The following HLCS variants were observed in gnomAD, a reference collection of about 807,000 sequenced individuals.
The protein encoded by HLCS is biotin--protein ligase.
A neutral mutation model predicts 75.0 loss-of-function variants in HLCS; 53 were observed. The ratio of observed to expected loss-of-function variants is 0.71; its 90% CI spans 0.57 to 0.89. The LOEUF (loss-of-function observed/expected upper bound fraction) is 0.89, where lower values mean the gene tolerates loss of function less well. Ranked by LOEUF, HLCS falls within the 40% of genes least tolerant of loss-of-function variation. HLCS has a pLI of 0.00. For synonymous variants in HLCS, 431 were observed against 428.6 expected (o/e 1.01, Z -0.07); for missense variants, 966 against 1,074.0 (o/e 0.90, Z 1.41).
intron 2 of HLCS, among the ~76,000 whole-genome samples, chr21:36,951,254 C>A (rs981877596): frequency 1.3e-5 from 2 of 152,194 alleles, no homozygotes; most frequent in African/African-American, 4.8e-5. Context: ...AACATTCCAG[C>A]CCCTGCTTTC....
rs1179063127 is a variant in HLCS at position 36,749,425 on chromosome 21, A to G, written c.*4821T>C. The G allele has an allele frequency of 6.6e-6, 1 of 150,398 alleles. No individual in the cohort carries two copies. Among genetic ancestry groups the G allele is most frequent in the African/African-American group, 2.5e-5 (1 of 40,654 alleles). The allele number at this position is 150,398 out of a possible 1,614,324, so 9.3% of individuals were successfully genotyped here. A position where few individuals can be genotyped will look rare whatever the true frequency, so the allele number is the denominator to read the frequency against. On this transcript the variant is annotated 3_prime_UTR_variant, in exon 11 of 11. Coordinates refer to ENST00000674895, the MANE Select transcript of HLCS (RefSeq NM_001352514.2). ...TCTAAAATCAAGTGCACCTACACCAACTGCTCTCAAAATGTGAACTGACTT... is the reference window on the plus strand; with the variant it reads ...TCTAAAATCAAGTGCACCTACACCAGCTGCTCTCAAAATGTGAACTGACTT...
intron 6 of HLCS, among the ~76,000 whole-genome samples, chr21:36,816,088 G>A (rs2061655453): frequency 6.6e-6 from 1 of 152,148 alleles, no homozygotes; most frequent in Admixed American, 6.5e-5. Context: ...GAGTACCAGA[G>A]TCAGACTACT....
intron 6 of HLCS, among the ~76,000 whole-genome samples, chr21:36,862,518 T>C (rs969310940): frequency 6.6e-6 from 1 of 152,358 alleles, no homozygotes; most frequent in South Asian, 2.1e-4. Context: ...GATTGGCATC[T>C]CCCTGATGGC....
At chr21:36,809,355 T>C (rs561815119) in intron 6 of HLCS, among the ~76,000 whole-genome samples, 2 of 152,364 alleles carry the variant, frequency 1.3e-5, no homozygotes, top group African/African-American at 4.8e-5. Context: ...TTTTCTCTTG[T>C]TGCTTTCAAG....
chr21:36,848,756 C>T (rs2062884395), intron 6 of HLCS, among the ~76,000 whole-genome samples: 2 of 152,048 alleles, frequency 1.3e-5, no homozygotes, highest in Admixed American at 1.3e-4. Context: ...AAGGCCTTTC[C>T]TATCCTAAGA....
At chr21:36,950,240 C>T (rs1416065953) in intron 2 of HLCS, among the ~76,000 whole-genome samples, 2 of 151,808 alleles carry the variant, frequency 1.3e-5, no homozygotes, top group African/African-American at 2.4e-5. Flanking sequence ...CTGGTTAACA[C>T]ATATAAGCCT....
chr21:36,931,368 G>A (rs1036862764), intron 4 of HLCS, among the ~76,000 whole-genome samples: 2 of 151,738 alleles, frequency 1.3e-5, no homozygotes, highest in Admixed American at 6.6e-5. Context: ...GAGGCAAATG[G>A]GTCATGCTGG....
chr21:36,963,747 C>T (rs1259016479), intron 1 of HLCS, among the ~76,000 whole-genome samples: 1 of 151,604 alleles, frequency 6.6e-6, no homozygotes, highest in Non-Finnish European at 1.5e-5. Flanking sequence ...AGCAAAACTC[C>T]ATCTCAAAAA....
chr21:36,766,124 A>G (rs2090021578), intron 7 of HLCS, among the ~76,000 whole-genome samples: 1 of 152,164 alleles, frequency 6.6e-6, no homozygotes, highest in African/African-American at 2.4e-5. Context: ...ACTGGGCTCA[A>G]GTGATGCTCC....
At chr21:36,756,168 G>C (rs1018223338) in intron 10 of HLCS, among the ~76,000 whole-genome samples, 1 of 152,076 alleles carries the variant, frequency 6.6e-6, no homozygotes, top group Admixed American at 6.6e-5. Context: ...GCCGGGCGCG[G>C]TGGCTCACAC....
chr21:36,947,165 G>C (rs1601840521), intron 2 of HLCS, among the ~76,000 whole-genome samples: 1 of 152,202 alleles, frequency 6.6e-6, no homozygotes, highest in African/African-American at 2.4e-5. Context: ...GCCCCCTGCG[G>C]TAGCAGGCAC....
intron 6 of HLCS, among the ~76,000 whole-genome samples, chr21:36,816,580 C>G (rs2061671617): frequency 6.6e-6 from 1 of 152,216 alleles, no homozygotes; most frequent in African/African-American, 2.4e-5. Flanking sequence ...AAGCTGGGGA[C>G]TAACCATCCT....
chr21:36,847,573 T>C (rs1390287302), intron 6 of HLCS, among the ~76,000 whole-genome samples: 6 of 152,230 alleles, frequency 3.9e-5, no homozygotes, highest in African/African-American at 1.2e-4. Context: ...AAGTAATTTT[T>C]ATTTAAAGTT....
chr21:36,915,034 C>G (rs2065874857), intron 5 of HLCS, among the ~76,000 whole-genome samples: 2 of 152,248 alleles, frequency 1.3e-5, no homozygotes, highest in Non-Finnish European at 2.9e-5. Flanking sequence ...ACCAACGTGA[C>G]CATTCACACG....
intron 6 of HLCS, among the ~76,000 whole-genome samples, chr21:36,797,854 T>C (rs1039815778): frequency 1.1e-4 from 17 of 152,210 alleles, no homozygotes; most frequent in Non-Finnish European, 1.0e-4. Context: ...TATTGAGCAT[T>C]TACTATGTAA....
intron 6 of HLCS, among the ~76,000 whole-genome samples, chr21:36,807,926 A>C (rs2061407665): frequency 6.6e-6 from 1 of 152,224 alleles, no homozygotes; most frequent in Admixed American, 6.5e-5. Context: ...GAATCAGCTA[A>C]AAACTATTAG....
At chr21:36,772,853 C>T (rs1422464577) in intron 6 of HLCS, among the ~76,000 whole-genome samples, 1 of 151,518 alleles carries the variant, frequency 6.6e-6, no homozygotes, top group East Asian at 2.0e-4. Context: ...TGGTGGCGCG[C>T]ACCTGTAGTC....
chr21:36,773,745 T>C (rs779104001), intron 6 of HLCS, among the ~76,000 whole-genome samples: 4 of 152,160 alleles, frequency 2.6e-5, no homozygotes, highest in Admixed American at 1.3e-4. Context: ...CAGTCACACA[T>C]TGAAGGTTCA....
chr21:36,927,582 A>T (rs1041464437), intron 5 of HLCS, among the ~76,000 whole-genome samples: 1 of 152,260 alleles, frequency 6.6e-6, no homozygotes, highest in Non-Finnish European at 1.5e-5. Context: ...ATCCCATACT[A>T]TAATAGTACC....
Sources: allele counts gnomAD v4.1 joint callset (sites outside exome capture counted in the v4.1 genomes callset), GRCh38; gene constraint gnomAD v4.1.1; transcripts MANE v1.5; gene names NCBI Gene and HGNC (gene_info 2026-07-23, HGNC 2026-07-21).